DSE: variants seen among roughly 807,000 people sequenced by gnomAD.
DSE encodes the protein dermatan-sulfate epimerase.
In DSE, 36 loss-of-function variants were observed where a neutral mutation model predicts 84.4. The ratio of observed to expected loss-of-function variants is 0.43; its 90% confidence interval spans 0.33 to 0.56. The LOEUF is 0.56. Among genes scored for constraint, DSE ranks in the 20% least tolerant of loss-of-function variants. The pLI, the probability that DSE is intolerant of heterozygous loss-of-function variation, is 0.06. For missense variants in DSE, 862 were observed against 1,169.6 expected (o/e 0.74, Z 3.84); for synonymous variants, 410 against 430.1 (o/e 0.95, Z 0.58).
At chr6:116,425,324 A>C (rs1033019637) in intron 2 of DSE, among the ~76,000 whole-genome samples, 1 of 152,240 alleles carries the variant, frequency 6.6e-6, no homozygotes, top group Non-Finnish European at 1.5e-5. Flanking sequence ...GGTTCATGGC[A>C]TAGAAATGTT....
chr6:116,289,764 T>C (rs1343315319), intron 2 of DSE, among the ~76,000 whole-genome samples: 1 of 152,106 alleles, frequency 6.6e-6, no homozygotes, highest in East Asian at 1.9e-4. Flanking sequence ...TCCAGCTTAA[T>C]ACTTTGGTTG....
intron 2 of DSE, among the ~76,000 whole-genome samples, chr6:116,347,475 C>T (rs1190849132): frequency 6.6e-6 from 1 of 152,048 alleles, no homozygotes. Context: ...ACAGAGCCCT[C>T]AGAAATAATA....
chr6:116,370,103 T>C, upstream of DSE: 1 of 472,260 alleles, frequency 2.1e-6, no homozygotes, highest in Non-Finnish European at 3.5e-6. Context: ...GTGGCTGATT[T>C]TTGGAAAACA....
intron 2 of DSE, among the ~76,000 whole-genome samples, chr6:116,353,896 T>A (rs1174785799): frequency 2.6e-5 from 4 of 152,180 alleles, no homozygotes; most frequent in African/African-American, 9.7e-5. Flanking sequence ...AATCTTATAA[T>A]CAATCTAAAC....
rs533116483 is a variant in DSE at position 116,349,752 on chromosome 6, A to T, written c.-53-49446A>T. 2.0e-5 allele frequency among the ~76,000 whole-genome samples: 3 copies of T among 152,292 alleles called. No individual in the cohort carries two copies. The South Asian group carries it at 6.2e-4, about 32-fold the overall frequency. On this transcript the variant is annotated intron_variant, in intron 2 of 3. Coordinates refer to the DSE transcript ENST00000430252. ...TCCTTACTGAAGTGAGGAGGAAGGG[A>T]GGGCAGATATGTGAGTAGCTTCAGG...
At position 116,410,764 on chromosome 6, in the gene DSE, A is replaced by AAAAAAG. The variant is rs1554224280; in HGVS notation, c.416+11100_416+11101insAAAGAA. Among the ~76,000 whole-genome samples, 76 of 139,780 alleles carry AAAAAAG rather than the reference A, an allele frequency of 5.4e-4. 1 individual carries two copies. Among genetic ancestry groups the AAAAAAG allele is most frequent in the South Asian group, 1.1e-3 (5 of 4,438 alleles). 91.7% of individuals were successfully genotyped at this position (139,780 alleles called of 152,430 possible). On this transcript the variant is annotated intron_variant, in intron 2 of 5. Coordinates refer to ENST00000644252, the MANE Select transcript of DSE (RefSeq NM_013352.4). ...AAAAAAAAAAAAAAAAAAAAAAAAA[A>AAAAAAG]AAGAAGAAGAAGAATCTTGTTGTGG...
intron 2 of DSE, among the ~76,000 whole-genome samples, chr6:116,281,732 A>C (rs973386937): frequency 1.3e-5 from 2 of 152,240 alleles, no homozygotes; most frequent in African/African-American, 4.8e-5. Context: ...TATCCCATAG[A>C]TTATTAAAAT....
At chr6:116,411,646 CTG>C (rs751250511) in intron 2 of DSE, among the ~76,000 whole-genome samples, 23 of 152,172 alleles carry the variant, frequency 1.5e-4, no homozygotes, top group Non-Finnish European at 2.8e-4. Flanking sequence ...TAAATAAAAT[CTG>C]TATGTATTGC....
At chr6:116,290,641 A>G (rs550850363) in intron 2 of DSE, among the ~76,000 whole-genome samples, 1 of 152,168 alleles carries the variant, frequency 6.6e-6, no homozygotes, top group Non-Finnish European at 1.5e-5. Flanking sequence ...TTGAAAATCA[A>G]GGTTTGTTAT....
At position 116,299,545 on chromosome 6, in the gene DSE, T is replaced by TACACAC. The variant is rs1562213543; in HGVS notation, c.-54+40579_-54+40580insCACACA. On this transcript the variant is annotated intron_variant, in intron 2 of 3. Coordinates refer to the DSE transcript ENST00000430252. ...ATATATATATATATATATATATATA[T>TACACAC]ATATATACACATACACACACACACA... 3.1e-4 allele frequency among the ~76,000 whole-genome samples: 11 copies of TACACAC among 35,474 alleles called. 1 individual carries two copies. The highest frequency in any genetic ancestry group is 2.7e-4 in the Non-Finnish European group (6 of 22,520). The allele number at this position is 35,474 out of a possible 152,430, so 23.3% of individuals were successfully genotyped here. A position where few individuals can be genotyped will look rare whatever the true frequency, so the allele number is the denominator to read the frequency against.
intron 2 of DSE, among the ~76,000 whole-genome samples, chr6:116,284,161 G>A (rs1773725165): frequency 6.6e-6 from 1 of 152,154 alleles, no homozygotes. Context: ...TAGATTCTTT[G>A]GGAATGATTT....
chr6:116,335,820 A>T (rs1444277662), intron 2 of DSE, among the ~76,000 whole-genome samples: 1 of 152,232 alleles, frequency 6.6e-6, no homozygotes, highest in African/African-American at 2.4e-5. Context: ...TATTATGCTG[A>T]CTTAGGAAGA....
At chr6:116,352,429 T>C (rs148916089) in intron 2 of DSE, among the ~76,000 whole-genome samples, 2 of 152,258 alleles carry the variant, frequency 1.3e-5, no homozygotes, top group Admixed American at 1.3e-4. Flanking sequence ...TCCAGAAGAA[T>C]CTCTCAATAT....
intron 2 of DSE, among the ~76,000 whole-genome samples, chr6:116,360,543 G>A (rs1778832197): frequency 6.6e-6 from 1 of 152,106 alleles, no homozygotes; most frequent in South Asian, 2.1e-4. Flanking sequence ...TCTTTAAATA[G>A]AGCATGAATA....
intron 2 of DSE, among the ~76,000 whole-genome samples, chr6:116,322,467 G>GCCT (rs1222433454): frequency 6.6e-6 from 1 of 152,098 alleles, no homozygotes; most frequent in Non-Finnish European, 1.5e-5. Context: ...GCCTCAGCCA[G>GCCT]CCTCCCAGAG....
chr6:116,382,669 T>A (rs1369290451), intron 1 of DSE, among the ~76,000 whole-genome samples: 1 of 152,170 alleles, frequency 6.6e-6, no homozygotes, highest in East Asian at 1.9e-4. Flanking sequence ...AAGAAATGAA[T>A]GCTTGTGGAA....
chr6:116,286,542 A>C (rs1425844350), intron 2 of DSE, among the ~76,000 whole-genome samples: 1 of 152,158 alleles, frequency 6.6e-6, no homozygotes, highest in Non-Finnish European at 1.5e-5. Flanking sequence ...AAGAGTCTTT[A>C]CTTTCCTTAA....
intron 2 of DSE, among the ~76,000 whole-genome samples, chr6:116,323,934 A>G (rs1452628059): frequency 6.6e-6 from 1 of 151,876 alleles, no homozygotes; most frequent in Non-Finnish European, 1.5e-5. Context: ...TTAATGGCTG[A>G]TTTATCCAAC....
intron 2 of DSE, among the ~76,000 whole-genome samples, chr6:116,312,330 A>G (rs1482576619): frequency 2.6e-5 from 4 of 152,280 alleles, no homozygotes; most frequent in African/African-American, 7.2e-5. Context: ...TAAATAATTC[A>G]GACACAAGCA....
Sources: gnomAD v4.1 joint callset for allele counts (sites outside exome capture counted in the v4.1 genomes callset) on GRCh38, gnomAD v4.1.1 for gene constraint, MANE v1.5 for transcripts, NCBI Gene and HGNC (gene_info 2026-07-23, HGNC 2026-07-21) for gene names.